MDGA2: variants seen among roughly 807,000 people sequenced by gnomAD.
The protein encoded by MDGA2 is MAM domain-containing glycosylphosphatidylinositol anchor protein 2.
A neutral mutation model predicts 117.8 loss-of-function variants in MDGA2; 40 were observed. That is an observed-to-expected ratio of 0.34 (90% CI 0.26 to 0.44). MDGA2 has a LOEUF of 0.44. Ranked by LOEUF, MDGA2 falls within the 20% of genes least tolerant of loss-of-function variation. The pLI, the probability that MDGA2 is intolerant of heterozygous loss-of-function variation, is 1.00. For missense variants in MDGA2, 1,123 were observed against 1,250.6 expected, an observed-to-expected ratio of 0.90 and a Z score of 1.54; for synonymous variants, 452 against 439.0, an observed-to-expected ratio of 1.03 and a Z score of -0.37.
intron 1 of MDGA2, among the ~76,000 whole-genome samples, chr14:47,519,537 A>C (rs1894825262): frequency 6.6e-6 from 1 of 152,196 alleles, no homozygotes; most frequent in Non-Finnish European, 1.5e-5. Context: ...GAAATAGTTG[A>C]TGGTTTTCTT....
At chr14:47,095,911 C>T (rs1879938769) in intron 6 of MDGA2, among the ~76,000 whole-genome samples, 1 of 152,016 alleles carries the variant, frequency 6.6e-6, no homozygotes, top group South Asian at 2.1e-4. Flanking sequence ...TCATCTTCAG[C>T]ATATGGATGT....
rs1399723294 is a variant in MDGA2, at chr14:47,372,454, G to A, written c.281-70904C>T. 2.6e-5 allele frequency among the ~76,000 whole-genome samples: 4 copies of A among 151,842 alleles called. No homozygotes were observed. In the South Asian group the frequency reaches 8.3e-4, roughly 31 times the overall value. On this transcript the variant is annotated intron_variant, in intron 1 of 16. Coordinates refer to ENST00000399232, the MANE Select transcript of MDGA2 (RefSeq NM_001113498.3). The stretch of plus-strand genomic sequence containing the variant: ...ATTCACAGAAGAGGAAATTTAAATT[G>A]CTAATCAACATATGAAAAGATATTC...
intron 6 of MDGA2, among the ~76,000 whole-genome samples, chr14:47,067,032 T>C (rs1000556855): frequency 6.6e-6 from 1 of 152,138 alleles, no homozygotes; most frequent in African/African-American, 2.4e-5. Flanking sequence ...GGAGAAACTC[T>C]TGAACCCGGG....
chr14:47,651,454 G>A (rs962299558), intron 1 of MDGA2, among the ~76,000 whole-genome samples: 3 of 152,066 alleles, frequency 2.0e-5, no homozygotes, highest in Non-Finnish European at 4.4e-5. Context: ...TCAAGATGAG[G>A]CAGCAGAGTG....
chr14:47,610,642 C>T (rs536185004), intron 1 of MDGA2, among the ~76,000 whole-genome samples: 1 of 151,948 alleles, frequency 6.6e-6, no homozygotes, highest in South Asian at 2.1e-4. Flanking sequence ...TGTAAGACCT[C>T]CACAAGGAAA....
At chr14:46,974,173 G>A (rs879735564) in intron 8 of MDGA2, among the ~76,000 whole-genome samples, 9 of 151,888 alleles carry the variant, frequency 5.9e-5, no homozygotes, top group Non-Finnish European at 8.8e-5. Context: ...ATTTAACCAA[G>A]GAATTAAAGG....
intron 3 of MDGA2, among the ~76,000 whole-genome samples, chr14:47,157,253 C>T (rs2139257645): frequency 6.6e-6 from 1 of 152,310 alleles, no homozygotes; most frequent in Non-Finnish European, 1.5e-5. Flanking sequence ...TTACAGCCAA[C>T]TTCCTCAAAT....
intron 14 of MDGA2, among the ~76,000 whole-genome samples, chr14:46,861,444 T>A (rs1315601734): frequency 6.6e-6 from 1 of 151,870 alleles, no homozygotes; most frequent in Admixed American, 6.6e-5. Flanking sequence ...AAATTCAAAC[T>A]TGAGTTATTT....
intron 1 of MDGA2, among the ~76,000 whole-genome samples, chr14:47,386,966 TATGGCAC>T (rs1891774489): frequency 6.6e-6 from 1 of 152,186 alleles, no homozygotes; most frequent in Admixed American, 6.5e-5. Context: ...AAATAGTATA[TATGGCAC>T]ATGGTACATA....
At chr14:47,555,958 G>A (rs1468386296) in intron 1 of MDGA2, among the ~76,000 whole-genome samples, 1 of 152,126 alleles carries the variant, frequency 6.6e-6, no homozygotes, top group Non-Finnish European at 1.5e-5. Flanking sequence ...CAAAATTGTT[G>A]CTTGGGCTTT....
intron 1 of MDGA2, among the ~76,000 whole-genome samples, chr14:47,360,513 A>C (rs1891097159): frequency 6.6e-6 from 1 of 152,164 alleles, no homozygotes. Context: ...ATGCAAATTA[A>C]AACAACAATG....
At chr14:46,940,436 C>T (rs1566536331) in intron 9 of MDGA2, among the ~76,000 whole-genome samples, 1 of 151,932 alleles carries the variant, frequency 6.6e-6, no homozygotes, top group African/African-American at 2.4e-5. Flanking sequence ...CAAGACCAGC[C>T]TGGCCAACAT....
chr14:47,460,426 T>C (rs1001753426), intron 1 of MDGA2, among the ~76,000 whole-genome samples: 1 of 152,120 alleles, frequency 6.6e-6, no homozygotes, highest in African/African-American at 2.4e-5. Flanking sequence ...ATTACAACAT[T>C]TACAATTTGG....
At chr14:47,069,515 T>C (rs1401312581) in intron 6 of MDGA2, among the ~76,000 whole-genome samples, 1 of 152,214 alleles carries the variant, frequency 6.6e-6, no homozygotes, top group Admixed American at 6.5e-5. Context: ...GAAAATAAAT[T>C]AGTGGACTGT....
intron 3 of MDGA2, among the ~76,000 whole-genome samples, chr14:47,166,963 T>G (rs1427102541): frequency 6.6e-6 from 1 of 152,138 alleles, no homozygotes; most frequent in Admixed American, 6.5e-5. Flanking sequence ...CAGCCAAGTA[T>G]CCGGCACATA....
chr14:46,928,903 C>T (rs1035901405), intron 9 of MDGA2, among the ~76,000 whole-genome samples: 1 of 152,046 alleles, frequency 6.6e-6, no homozygotes, highest in Non-Finnish European at 1.5e-5. Flanking sequence ...TTGTTGAGGT[C>T]CTTTCCCAGA....
At chr14:47,582,278 G>A (rs1257624795) in intron 1 of MDGA2, among the ~76,000 whole-genome samples, 2 of 151,862 alleles carry the variant, frequency 1.3e-5, no homozygotes, top group African/African-American at 4.8e-5. Flanking sequence ...CTCCATAATA[G>A]TGTCATGAAA....
intron 1 of MDGA2, among the ~76,000 whole-genome samples, chr14:47,509,520 C>G (rs1178493924): frequency 2.0e-5 from 3 of 152,128 alleles, no homozygotes; most frequent in African/African-American, 7.2e-5. Flanking sequence ...GATATGACGA[C>G]CTGGCACAGC....
At chr14:47,569,666 T>C (rs1466780038) in intron 1 of MDGA2, among the ~76,000 whole-genome samples, 3 of 152,192 alleles carry the variant, frequency 2.0e-5, no homozygotes, top group Non-Finnish European at 1.5e-5. Flanking sequence ...AGAAATTCTC[T>C]TCTTATTTAG....
Sources: gnomAD v4.1 joint callset for allele counts (sites outside exome capture counted in the v4.1 genomes callset) on GRCh38, gnomAD v4.1.1 for gene constraint, MANE v1.5 for transcripts, NCBI Gene and HGNC (gene_info 2026-07-23, HGNC 2026-07-21) for gene names.